The following CUBN variants were observed in gnomAD, a reference collection of about 807,000 sequenced individuals.
CUBN encodes the protein 460 kDa receptor.
A neutral mutation model predicts 405.3 loss-of-function variants in CUBN; 282 were observed. That is an observed-to-expected ratio of 0.70 (90% CI 0.63 to 0.77). The LOEUF (loss-of-function observed/expected upper bound fraction) is 0.77, where lower values mean the gene tolerates loss of function less well. Ranked by LOEUF, CUBN falls within the 30% of genes least tolerant of loss-of-function variation. The probability of loss-of-function intolerance (pLI) is 0.00; values close to 1 mark genes in which losing one functional copy is unlikely to be tolerated. For synonymous variants in CUBN, 1,684 were observed against 1,617.0 expected, an observed-to-expected ratio of 1.04 and a Z score of -0.99; for missense variants, 4,514 against 4,475.2, an observed-to-expected ratio of 1.01 and a Z score of -0.25.
rs142679601 is a variant in CUBN at position 16,960,962 on chromosome 10, G to C, written c.4696-6414C>G. On this transcript the variant is annotated intron_variant, in intron 31 of 66. Transcript: ENST00000377833. The stretch of plus-strand genomic sequence containing the variant: ...ACATTGGACCCGTCCCCAAGGCCCA[G>C]AGTATTCTGAACACATGATATATTA... 9.6e-4 allele frequency among the ~76,000 whole-genome samples: 146 copies of C among 152,338 alleles called. 4 individuals are homozygous for C. In the East Asian group the frequency reaches 0.025, roughly 26 times the overall value.
At chr10:16,915,341 A>C (rs1303668500) in intron 46 of CUBN, among the ~76,000 whole-genome samples, 169 bp from the exon 47 acceptor site, 2 of 152,258 alleles carry the variant, frequency 1.3e-5, no homozygotes, top group African/African-American at 4.8e-5. Context: ...AAATGAACAT[A>C]TTCAAATACA....
chr10:16,917,161 GA>G (rs1207472122), intron 45 of CUBN, among the ~76,000 whole-genome samples: 2 of 151,094 alleles, frequency 1.3e-5, no homozygotes, highest in African/African-American at 2.4e-5. Context: ...GAGACTCAGA[GA>G]AAAAAAAGGT....
Position 17,072,773 on chromosome 10 carries a change from A to G in CUBN, c.2302-802T>C, listed in dbSNP as rs17348133. Among the ~76,000 whole-genome samples, 1,119 of 152,306 alleles carry G rather than the reference A, an allele frequency of 7.3e-3. 5 individuals carry two copies. Among genetic ancestry groups the G allele is most frequent in the Middle Eastern group, 0.014 (4 of 294 alleles). ...TAAGCACAAATATACAAAATTGAAAATGACAAAGACACAGATACTAAGATT... is the reference window on the plus strand; with the variant it reads ...TAAGCACAAATATACAAAATTGAAAGTGACAAAGACACAGATACTAAGATT... On this transcript the variant is annotated intron_variant, in intron 17 of 66. Transcript: ENST00000377833.
At chr10:17,091,075 C>G (rs971507929) in intron 14 of CUBN, among the ~76,000 whole-genome samples, 5 of 152,092 alleles carry the variant, frequency 3.3e-5, no homozygotes, top group Non-Finnish European at 5.9e-5. Context: ...GGTTTTCAGT[C>G]CTGAGGTAAA....
rs547592433 is a variant in CUBN, at chr10:17,008,563, G to A, written c.4168+11270C>T. ...CCTCTTGACTTCTCAGGTCCCTCGG[G>A]CTCTCCCCACTCCCTCCTATCACAG... On this transcript the variant is annotated intron_variant, in intron 28 of 66. Transcript: ENST00000377833. Among the ~76,000 whole-genome samples the A allele has an allele frequency of 2.0e-5, 3 of 151,812 alleles. No individual in the cohort carries two copies. In the South Asian group the frequency reaches 6.3e-4, roughly 32 times the overall value.
At chr10:16,952,147 G>T in intron 33 of CUBN, 129 bp downstream of exon 33, 1 of 709,394 alleles carries the variant, frequency 1.4e-6, no homozygotes, top group Non-Finnish European at 2.6e-6. Flanking sequence ...TCAGGAATTG[G>T]GACTTGCAAA....
At chr10:16,900,967 T>A in intron 52 of CUBN, 117 bp from the exon 53 acceptor site, 1 of 806,454 alleles carries the variant, frequency 1.2e-6, no homozygotes, top group Non-Finnish European at 2.0e-6. Flanking sequence ...TTTTGTCTCT[T>A]ATTTAATTCT....
At chr10:17,076,895 GA>G (rs1436689193) in intron 17 of CUBN, among the ~76,000 whole-genome samples, 1 of 152,180 alleles carries the variant, frequency 6.6e-6, no homozygotes, top group Non-Finnish European at 1.5e-5. Flanking sequence ...ACACGTTATT[GA>G]AAGCCACAGA....
chr10:17,123,230 C>T (rs1368172213), intron 5 of CUBN, among the ~76,000 whole-genome samples: 3 of 151,842 alleles, frequency 2.0e-5, no homozygotes, highest in African/African-American at 7.3e-5. Context: ...CAGTTTCCAT[C>T]GTTATCAGAA....
chr10:17,089,898 G>A (rs938425025), intron 14 of CUBN, among the ~76,000 whole-genome samples: 1 of 152,098 alleles, frequency 6.6e-6, no homozygotes, highest in African/African-American at 2.4e-5. Context: ...GCTGAGGCAG[G>A]AATATCATTT....
chr10:17,082,319 C>A (rs72775025), intron 17 of CUBN, among the ~76,000 whole-genome samples: 3,962 of 152,302 alleles, frequency 0.026, 77 homozygotes, highest in Non-Finnish European at 0.036. Flanking sequence ...GTTAGGTGAA[C>A]TAACTTTAAT....
At chr10:17,110,885 G>C (rs1004884120) in intron 9 of CUBN, 34 bp downstream of exon 9, 6 of 1,613,928 alleles carry the variant, frequency 3.7e-6, no homozygotes, top group Non-Finnish European at 5.1e-6. Flanking sequence ...CCCTGTGCTG[G>C]GGTCAGGAGG....
At chr10:17,106,285 C>T (rs1836627675) in intron 10 of CUBN, among the ~76,000 whole-genome samples, 1 of 143,784 alleles carries the variant, frequency 7.0e-6, no homozygotes, top group African/African-American at 2.6e-5. Flanking sequence ...ACTCCATTTC[C>T]AAGAAAAAAT....
At chr10:16,829,527 C>T (rs1232163548) in intron 65 of CUBN, among the ~76,000 whole-genome samples, 1 of 152,062 alleles carries the variant, frequency 6.6e-6, no homozygotes. Context: ...TAGGTGACGG[C>T]AGGAATGACT....
intron 49 of CUBN, 135 bp downstream of exon 49, chr10:16,907,373 G>C: frequency 1.1e-6 from 1 of 886,456 alleles, no homozygotes; most frequent in South Asian, 1.5e-5. Context: ...ATCTGCTTAT[G>C]TGTGTTTGTC....
chr10:17,083,501 G>A (rs539726835), intron 17 of CUBN, among the ~76,000 whole-genome samples: 120 of 16,848 alleles, frequency 7.1e-3, no homozygotes, highest in African/African-American at 0.038. Flanking sequence ...GCGAAACTCC[G>A]TCTCAAAATA....
chr10:16,993,964 T>C (rs144363488), intron 28 of CUBN, among the ~76,000 whole-genome samples: 4 of 152,310 alleles, frequency 2.6e-5, no homozygotes, highest in East Asian at 1.9e-4. Context: ...AAGGAAACAT[T>C]TGAATTAAAA....
chr10:16,858,991 C>A (rs1839941218), intron 59 of CUBN, among the ~76,000 whole-genome samples: 1 of 152,088 alleles, frequency 6.6e-6, no homozygotes, highest in Admixed American at 6.6e-5. Flanking sequence ...ATCATAGACA[C>A]AAATGAAAAA....
chr10:16,915,388 G>C (rs1447152835), intron 46 of CUBN, among the ~76,000 whole-genome samples: 1 of 152,132 alleles, frequency 6.6e-6, no homozygotes, highest in African/African-American at 2.4e-5. Context: ...TTAGGGGAAG[G>C]ATATCTCAGC....
Sources: allele counts gnomAD v4.1 joint callset (sites outside exome capture counted in the v4.1 genomes callset), GRCh38; gene constraint gnomAD v4.1.1; transcripts MANE v1.5; gene names NCBI Gene and HGNC (gene_info 2026-07-23, HGNC 2026-07-21).